Variants in ACOX3 observed in about 807,000 individuals in gnomAD.
ACOX3 encodes peroxisomal acyl-coenzyme A oxidase 3.
Under a neutral mutation model 81.5 loss-of-function variants are expected in ACOX3, and 73 were observed. The observed-to-expected ratio is 0.90, with a 90% CI of 0.74 to 1.09. The LOEUF (loss-of-function observed/expected upper bound fraction) is 1.09. Ranked by LOEUF, ACOX3 falls within the 50% of genes least tolerant of loss-of-function variation. The pLI is 0.00. For synonymous variants in ACOX3, 387 were observed against 375.1 expected, an observed-to-expected ratio of 1.03 and a Z score of -0.37; for missense variants, 947 against 928.0, an observed-to-expected ratio of 1.02 and a Z score of -0.27.
intron 16 of ACOX3, 78 bp from the exon 17 acceptor site, chr4:8,371,072 T>C (rs1716130742): frequency 1.4e-6 from 2 of 1,410,152 alleles, no homozygotes; most frequent in Admixed American, 1.8e-5. Flanking sequence ...GCCCCGTGTG[T>C]GGTTGCCAGG....
At chr4:8,415,263 G>A (rs186971041) in intron 3 of ACOX3, among the ~76,000 whole-genome samples, 111 of 152,332 alleles carry the variant, frequency 7.3e-4, no homozygotes, top group African/African-American at 2.5e-3. Flanking sequence ...GGACAGCAGG[G>A]AGAGCTGTAA....
chr4:8,359,831 A>G, the ACOX3 span, among the ~76,000 whole-genome samples: 1 of 152,210 alleles, frequency 6.6e-6, no homozygotes, highest in African/African-American at 2.4e-5. The surrounding 1 kb of genome is among the most constrained non-coding windows in gnomAD (Gnocchi z 6.0). Flanking sequence ...ATTGTAAAAA[A>G]TAATTGTTTA....
intron 1 of ACOX3, among the ~76,000 whole-genome samples, chr4:8,429,092 A>G (rs958534537): frequency 2.6e-5 from 4 of 152,130 alleles, no homozygotes; most frequent in Admixed American, 2.0e-4. Flanking sequence ...TCCATTTTCA[A>G]TTACCTGCAC....
rs116964361 is a variant in ACOX3, at chr4:8,430,885, C to G, written c.-15+9763G>C. Among the ~76,000 whole-genome samples the G allele has an allele frequency of 6.6e-5, 10 of 152,196 alleles. No individual in the cohort carries two copies. The East Asian group carries it at 1.9e-3, about 29-fold the overall frequency. On this transcript the variant is annotated intron_variant, in intron 1 of 17. Coordinates refer to ENST00000356406, the MANE Select transcript of ACOX3 (RefSeq NM_003501.3). This position sits in a 1 kb window ranked among gnomAD's most constrained non-coding sequence, Gnocchi z 5.2. ...AAATAAAAATAAAAATATCTTCCCA[C>G]TGGGAAATGATTTGGGTCCATTGCA... is the stretch of plus-strand genomic sequence containing the variant.
At chr4:8,380,930 G>C (rs1446321274) in intron 14 of ACOX3, among the ~76,000 whole-genome samples, 1 of 152,192 alleles carries the variant, frequency 6.6e-6, no homozygotes, top group East Asian at 1.9e-4. Context: ...CAGATGGCTG[G>C]GACAGGGCTG....
chr4:8,386,444 T>C lies in ACOX3; in HGVS notation c.1537+2729A>G, dbSNP rs1033261329. Among the ~76,000 whole-genome samples, 2 of 151,692 alleles carry C rather than the reference T, an allele frequency of 1.3e-5. No homozygotes were observed. The highest frequency in any genetic ancestry group is 2.9e-5 in the Non-Finnish European group (2 of 67,980). ...AGCCGGGTGTGGTTGTGGGCTCCTG[T>C]AGTCCCAGCTACTCCGGAGGCTGAG... On this transcript the variant is annotated intron_variant, in intron 13 of 17. Coordinates refer to ENST00000356406, the MANE Select transcript of ACOX3 (RefSeq NM_003501.3). The surrounding 1 kb of genome is among the most constrained non-coding windows in gnomAD (Gnocchi z 5.2).
In ACOX3 at chr4:8,432,264, C is replaced by T. The variant is rs377337798; in HGVS notation, c.-15+8384G>A. On this transcript the variant is annotated intron_variant, in intron 1 of 17. Coordinates refer to ENST00000356406, the MANE Select transcript of ACOX3 (RefSeq NM_003501.3). This position sits in a 1 kb window ranked among gnomAD's most constrained non-coding sequence, Gnocchi z 6.2. ...AATTTTTTTTTTCGAGATGGAGTCT[C>T]GCTCTGTTGCCCAGACTGGAGTGCA... 2.4e-3 allele frequency among the ~76,000 whole-genome samples: 367 copies of T among 152,160 alleles called. 3 individuals carry two copies. The highest frequency in any genetic ancestry group is 4.3e-3 in the African/African-American group (180 of 41,508).
At chr4:8,358,208 T>C in the ACOX3 span, 1 of 152,198 alleles carries the variant, frequency 6.6e-6, no homozygotes, top group Admixed American at 6.5e-5. Flanking sequence ...ATGGGGGAAA[T>C]GTGCATTCTG....
intron 9 of ACOX3, among the ~76,000 whole-genome samples, chr4:8,396,439 G>A (rs1241457148): frequency 6.6e-6 from 1 of 152,200 alleles, no homozygotes; most frequent in Non-Finnish European, 1.5e-5. Context: ...CACTTTGGGA[G>A]GCTGAGGCAG....
chr4:8,396,876 A>G (rs1719754086), intron 9 of ACOX3, 61 bp downstream of exon 9: 1 of 1,567,390 alleles, frequency 6.4e-7, no homozygotes. Context: ...CAACTATGTA[A>G]AAGAAGTGAA....
intron 1 of ACOX3, among the ~76,000 whole-genome samples, chr4:8,435,296 C>G (rs372169229): frequency 2.5e-4 from 38 of 152,168 alleles, no homozygotes; most frequent in African/African-American, 8.4e-4. Flanking sequence ...TGAGACCATC[C>G]TGACTAATAG....
In ACOX3 at chr4:8,382,116, G is replaced by C. The variant is rs1298450141; in HGVS notation, c.1538-509C>G. Among the ~76,000 whole-genome samples the C allele has an allele frequency of 6.6e-6, 1 of 152,330 alleles. No individual in the cohort carries two copies. The highest frequency in any genetic ancestry group is 2.4e-5 in the African/African-American group (1 of 41,570). On this transcript the variant is annotated intron_variant, in intron 13 of 17. Transcript: ENST00000356406. This position sits in a 1 kb window ranked among gnomAD's most constrained non-coding sequence, Gnocchi z 4.1. ...CCGCATGCTGGAGCTGTGGAACTGG[G>C]GACTGACATGGTGGGGGAGGGGGGA...
chr4:8,386,893 G>A lies in ACOX3; in HGVS notation c.1537+2280C>T, dbSNP rs556591234. 2.2e-4 allele frequency among the ~76,000 whole-genome samples: 33 copies of A among 152,352 alleles called. No homozygotes were observed. The highest frequency in any genetic ancestry group is 6.7e-4 in the African/African-American group (28 of 41,580). ...GGGCTGGAGACGGACAAGGACACAC[G>A]CTCGGGGGCTGCTATCACATCCACG... is the stretch of plus-strand genomic sequence containing the variant. On this transcript the variant is annotated intron_variant, in intron 13 of 17. Transcript: ENST00000356406. The surrounding 1 kb of genome is among the most constrained non-coding windows in gnomAD (Gnocchi z 5.2).
At position 8,417,709 on chromosome 4, in the gene ACOX3, A is replaced by G. The variant is rs561529860; in HGVS notation, c.-14-1174T>C. 3.9e-5 allele frequency among the ~76,000 whole-genome samples: 6 copies of G among 152,368 alleles called. No homozygotes were observed. The Middle Eastern group carries it at 0.014, about 346-fold the overall frequency. Reference sequence around the variant, plus strand: ...GGAAGAAAATAATAAAAGATAGAGCAACTGTGAATGAAACAGAGAACAGAA... The same window carrying G: ...GGAAGAAAATAATAAAAGATAGAGCGACTGTGAATGAAACAGAGAACAGAA... On this transcript the variant is annotated intron_variant, in intron 1 of 17. Coordinates refer to ENST00000356406, the MANE Select transcript of ACOX3 (RefSeq NM_003501.3).
At chr4:8,392,139 C>T (rs1719066642) in intron 11 of ACOX3, among the ~76,000 whole-genome samples, 194 bp downstream of exon 11, 1 of 152,242 alleles carries the variant, frequency 6.6e-6, no homozygotes, top group South Asian at 2.1e-4. Flanking sequence ...CATCTCTGCC[C>T]TTGCAGTGCG....
In ACOX3 at chr4:8,419,667, T is replaced by C. The variant is rs374501744; in HGVS notation, c.-14-3132A>G. Among the ~76,000 whole-genome samples, 56 of 152,220 alleles carry C rather than the reference T, an allele frequency of 3.7e-4. No homozygotes were observed. Among genetic ancestry groups the C allele is most frequent in the African/African-American group, 1.3e-3 (53 of 41,520 alleles). On this transcript the variant is annotated intron_variant, in intron 1 of 17. Coordinates refer to ENST00000356406, the MANE Select transcript of ACOX3 (RefSeq NM_003501.3). This position sits in a 1 kb window ranked among gnomAD's most constrained non-coding sequence, Gnocchi z 4.2. Reference sequence around the variant, plus strand: ...CCGAAAACATCACGTCCTCAATGTGTGCAAGGCTCCCCGATTCACACCTCC... The same window carrying C: ...CCGAAAACATCACGTCCTCAATGTGCGCAAGGCTCCCCGATTCACACCTCC...
At chr4:8,371,134 C>A (rs372762896) in intron 16 of ACOX3, 140 bp from the exon 17 acceptor site, 36 of 698,458 alleles carry the variant, frequency 5.2e-5, no homozygotes, top group Non-Finnish European at 7.3e-5. Context: ...GCTGCCCATG[C>A]GTGATCTCTT....
rs1719483176 is a variant in ACOX3, at chr4:8,394,740, T to C, written c.1059A>G (p.Gln353=). The change falls in exon 10 of 18, where the codon CAA becomes CAG. Residue 353 remains glutamine (Q), a splice_region_variant and synonymous_variant. Transcript: ENST00000356406. The surrounding 1 kb of genome is among the most constrained non-coding windows in gnomAD (Gnocchi z 5.9). The part of the protein sequence containing the change: ...EIPVLEYPMQ[Q]WRLLPYLAAV... ...CTGCCAGATATGGAAGCAAGCGCCA[T>C]TGCTAGAACAGACAAGACACCTGCG... 1 of 1,612,972 alleles carries C rather than the reference T, an allele frequency of 6.2e-7. No individual in the cohort carries two copies. The highest frequency in any genetic ancestry group is 1.1e-5 in the South Asian group (1 of 91,008).
At chr4:8,421,262 G>A (rs1320277245) in intron 1 of ACOX3, among the ~76,000 whole-genome samples, 2 of 152,202 alleles carry the variant, frequency 1.3e-5, no homozygotes, top group African/African-American at 4.8e-5. Flanking sequence ...AATGATTAAT[G>A]TGGCCACCGG....
Sources: allele counts gnomAD v4.1 joint callset (sites outside exome capture counted in the v4.1 genomes callset), GRCh38; gene constraint gnomAD v4.1.1; non-coding constraint Gnocchi (gnomAD v3.1); transcripts MANE v1.5; gene names NCBI Gene and HGNC (gene_info 2026-07-23, HGNC 2026-07-21).